Variants in NSMAF observed in about 807,000 individuals in gnomAD.
NSMAF encodes the protein neutral sphingomyelinase activation associated factor, also known as protein FAN.
In NSMAF, 90 loss-of-function variants were observed where a neutral mutation model predicts 134.9. The ratio of observed to expected loss-of-function variants is 0.67; its 90% CI spans 0.56 to 0.79. NSMAF has a LOEUF of 0.79. Among genes scored for constraint, NSMAF ranks in the 30% least tolerant of loss-of-function variants. NSMAF has a pLI of 0.00. For synonymous variants in NSMAF, 358 were observed against 389.6 expected, an observed-to-expected ratio of 0.92 and a Z score of 0.96; for missense variants, 1,010 against 1,119.0, an observed-to-expected ratio of 0.90 and a Z score of 1.39.
At chr8:58,598,239 T>C (rs891261985) in intron 19 of NSMAF, among the ~76,000 whole-genome samples, 1 of 152,046 alleles carries the variant, frequency 6.6e-6, no homozygotes, top group African/African-American at 2.4e-5. Context: ...ACATGGGCGA[T>C]ATGGATTATA....
At chr8:58,607,104 C>T (rs1806426641) in intron 11 of NSMAF, among the ~76,000 whole-genome samples, 1 of 152,158 alleles carries the variant, frequency 6.6e-6, no homozygotes, top group African/African-American at 2.4e-5. Context: ...TTCCACAATG[C>T]TTTTGTAATG....
intron 13 of NSMAF, 149 bp from the exon 14 acceptor site, chr8:58,602,286 A>G: frequency 1.7e-6 from 1 of 579,700 alleles, no homozygotes. Context: ...TTATTTATGT[A>G]GATGTAAAGA....
intron 9 of NSMAF, among the ~76,000 whole-genome samples, chr8:58,616,765 C>T (rs1378677489): frequency 6.6e-6 from 1 of 151,962 alleles, no homozygotes; most frequent in African/African-American, 2.4e-5. Flanking sequence ...AAAATAAAAG[C>T]CATACGGATT....
chr8:58,586,573 C>T lies in NSMAF; in HGVS notation c.2331G>A (p.Leu777=). The change falls in exon 28 of 31, where the codon CTG becomes CTA. Residue 777 remains leucine, a synonymous_variant. Coordinates refer to ENST00000038176, the MANE Select transcript of NSMAF (RefSeq NM_003580.4). The stretch of plus-strand genomic sequence containing the variant: ...TGCCTTCTTTGGTGCCGGAAACTAA[C>T]AGTGTGCTTGCAGCATTTAAACTGA... ...DTISLNAAST[L]LVSGTKEGTV... 6.2e-7 allele frequency: 1 copy of T among 1,613,980 alleles called. No individual in the cohort carries two copies. The highest frequency in any genetic ancestry group is 8.5e-7 in the Non-Finnish European group (1 of 1,179,938).
chr8:58,641,851 A>C (rs931686328), intron 2 of NSMAF, among the ~76,000 whole-genome samples: 1 of 152,238 alleles, frequency 6.6e-6, no homozygotes, highest in South Asian at 2.1e-4. Flanking sequence ...ATTTTGCCCT[A>C]ATAGTTACTT....
At chr8:58,628,331 T>C (rs1806983178) in intron 6 of NSMAF, among the ~76,000 whole-genome samples, 1 of 152,138 alleles carries the variant, frequency 6.6e-6, no homozygotes, top group Non-Finnish European at 1.5e-5. Flanking sequence ...CTTCTATAGG[T>C]ATTTTCTCTG....
chr8:58,652,946 A>G (rs1487712733), intron 1 of NSMAF, among the ~76,000 whole-genome samples: 2 of 152,254 alleles, frequency 1.3e-5, no homozygotes, highest in Non-Finnish European at 2.9e-5. Context: ...ACATGTAAGA[A>G]GGAATATTGA....
intron 2 of NSMAF, among the ~76,000 whole-genome samples, chr8:58,642,281 A>G (rs1397083939): frequency 6.6e-6 from 1 of 152,232 alleles, no homozygotes; most frequent in Non-Finnish European, 1.5e-5. Flanking sequence ...CCAAAAGGAA[A>G]TCATTAGCAG....
At chr8:58,586,102 C>A (rs59030019) in intron 28 of NSMAF, 102 bp from the exon 29 acceptor site, 4 of 904,602 alleles carry the variant, frequency 4.4e-6, no homozygotes, top group Middle Eastern at 2.2e-4. Flanking sequence ...TCTCCACATT[C>A]GTTTTCTTCA....
intron 10 of NSMAF, among the ~76,000 whole-genome samples, chr8:58,608,778 T>C (rs757607506): frequency 2.8e-4 from 43 of 152,310 alleles, no homozygotes; most frequent in African/African-American, 9.9e-4. Flanking sequence ...TATAGCATAA[T>C]CTTTCACTCA....
At chr8:58,613,006 A>T (rs779954495) in intron 9 of NSMAF, among the ~76,000 whole-genome samples, 1 of 152,164 alleles carries the variant, frequency 6.6e-6, no homozygotes, top group Non-Finnish European at 1.5e-5. Context: ...TAAAATAAAT[A>T]TCTTCTTCTT....
At position 58,599,732 on chromosome 8, in the gene NSMAF, C is replaced by T; in HGVS notation, c.1453+18G>A. On this transcript the variant is annotated intron_variant, in intron 18 of 30. Coordinates refer to ENST00000038176, the MANE Select transcript of NSMAF (RefSeq NM_003580.4). ...GTAAAGCATGTCTATAATACAACACCTCCAAGGGGGGACTCACTGGAAGCC... is the reference window on the plus strand; with the variant it reads ...GTAAAGCATGTCTATAATACAACACTTCCAAGGGGGGACTCACTGGAAGCC... The T allele has an allele frequency of 6.2e-7, 1 of 1,611,830 alleles. No individual in the cohort carries two copies. The highest frequency in any genetic ancestry group is 8.5e-7 in the Non-Finnish European group (1 of 1,178,970).
At chr8:58,606,338 T>C (rs1806411666) in intron 11 of NSMAF, among the ~76,000 whole-genome samples, 1 of 152,224 alleles carries the variant, frequency 6.6e-6, no homozygotes, top group Admixed American at 6.5e-5. Context: ...CTTGTTATTT[T>C]GAAATTCAAA....
intron 1 of NSMAF, among the ~76,000 whole-genome samples, chr8:58,658,668 C>T (rs896716097): frequency 6.6e-6 from 1 of 152,196 alleles, no homozygotes; most frequent in African/African-American, 2.4e-5. Context: ...GATTCAGCCC[C>T]CCTTTCCTTT....
intron 9 of NSMAF, among the ~76,000 whole-genome samples, chr8:58,617,824 G>A (rs1049649298): frequency 2.0e-4 from 31 of 152,250 alleles, no homozygotes; most frequent in Non-Finnish European, 2.2e-4. Flanking sequence ...TATACCCAAA[G>A]GATTATAAAT....
intron 2 of NSMAF, among the ~76,000 whole-genome samples, chr8:58,637,929 A>G (rs1309415831): frequency 6.6e-6 from 1 of 152,254 alleles, no homozygotes; most frequent in African/African-American, 2.4e-5. Context: ...TATTTTCCAA[A>G]GCAATCTACA....
chr8:58,656,399 C>T (rs187678648), intron 1 of NSMAF, among the ~76,000 whole-genome samples: 171 of 152,310 alleles, frequency 1.1e-3, no homozygotes, highest in African/African-American at 4.0e-3. Flanking sequence ...TATTTATAAA[C>T]ATCAACAATA....
Position 58,597,557 on chromosome 8 carries a change from G to A in NSMAF, c.1629-7C>T. ...CTCATCAGGATCCTGGATGCTTTGG[G>A]ACAGAACACAAATAATGCAGTGAAC... On this transcript the variant is annotated splice_region_variant and splice_polypyrimidine_tract_variant and intron_variant, in intron 20 of 30. Transcript: ENST00000038176. 2 of 1,613,708 alleles carry A rather than the reference G, an allele frequency of 1.2e-6. No individual in the cohort carries two copies. Among genetic ancestry groups the A allele is most frequent in the Non-Finnish European group, 1.7e-6 (2 of 1,179,756 alleles).
rs147985912 is a variant in NSMAF, at chr8:58,654,959, C to T, written c.59+4614G>A. ...AAGCGATTCTCTTGTCTCAGTCTCC[C>T]GAGTAGCTGGGATTACAGGTGTGTG... On this transcript the variant is annotated intron_variant, in intron 1 of 30. Coordinates refer to ENST00000038176, the MANE Select transcript of NSMAF (RefSeq NM_003580.4). Among the ~76,000 whole-genome samples, 178 of 152,156 alleles carry T rather than the reference C, an allele frequency of 1.2e-3. 5 individuals are homozygous for T. In the East Asian group the frequency reaches 0.03, roughly 25 times the overall value.
Sources: allele counts gnomAD v4.1 joint callset (sites outside exome capture counted in the v4.1 genomes callset), GRCh38; gene constraint gnomAD v4.1.1; transcripts MANE v1.5; gene names NCBI Gene and HGNC (gene_info 2026-07-23, HGNC 2026-07-21).